The following HDX variants were observed in gnomAD, a reference collection of about 807,000 sequenced individuals.
HDX encodes highly divergent homeobox.
A neutral mutation model predicts 45.2 loss-of-function variants in HDX; 19 were observed. The observed-to-expected ratio is 0.42, with a 90% confidence interval of 0.29 to 0.62. The LOEUF is 0.62. Among genes scored for constraint, HDX ranks in the 20% least tolerant of loss-of-function variants. The pLI is 0.20. For synonymous variants in HDX, 188 were observed against 172.8 expected (o/e 1.09, Z -0.69); for missense variants, 532 against 493.9 (o/e 1.08, Z -0.73).
intron 5 of HDX, among the ~76,000 whole-genome samples, chrX:84,399,847 C>G (rs2038657349): frequency 9.0e-6 from 1 of 111,637 alleles, no homozygotes; most frequent in African/African-American, 3.3e-5. Flanking sequence ...AGCAGCACAT[C>G]AAAAAGCTTA....
chrX:84,445,592 C>A (rs2039855417), intron 4 of HDX, among the ~76,000 whole-genome samples: 1 of 110,274 alleles, frequency 9.1e-6, no homozygotes. Flanking sequence ...ATATATGAGA[C>A]TAATGCATGG....
At chrX:84,346,851 T>TA (rs2037217997) in intron 6 of HDX, among the ~76,000 whole-genome samples, 1 of 111,536 alleles carries the variant, frequency 9.0e-6, no homozygotes, top group Admixed American at 9.6e-5. Context: ...GAAATGGTAA[T>TA]AAAAAGCACA....
At chrX:84,444,440 G>A (rs1436620322) in intron 4 of HDX, among the ~76,000 whole-genome samples, 1 of 110,783 alleles carries the variant, frequency 9.0e-6, no homozygotes, top group Non-Finnish European at 1.9e-5. Flanking sequence ...AGTAATTCAG[G>A]CTTGGAACCA....
intron 4 of HDX, among the ~76,000 whole-genome samples, chrX:84,465,098 A>T (rs952256105): frequency 1.8e-5 from 2 of 112,668 alleles, no homozygotes; most frequent in African/African-American, 6.5e-5. Flanking sequence ...TCATTAGAGA[A>T]ATGCAAATCA....
intron 6 of HDX, among the ~76,000 whole-genome samples, chrX:84,357,809 G>A (rs1044709337): frequency 8.9e-6 from 1 of 112,375 alleles, no homozygotes; most frequent in African/African-American, 3.2e-5. Context: ...AGCTTCTCTT[G>A]TAGTTTGGTA....
chrX:84,349,974 A>T (rs1165117989), intron 6 of HDX, among the ~76,000 whole-genome samples: 1 of 109,848 alleles, frequency 9.1e-6, no homozygotes, highest in Non-Finnish European at 1.9e-5. Flanking sequence ...AATGTTCACT[A>T]TTCGAGTGAC....
chrX:84,457,012 T>A (rs760636794), intron 4 of HDX, among the ~76,000 whole-genome samples: 1 of 111,675 alleles, frequency 9.0e-6, no homozygotes, highest in South Asian at 3.7e-4. Flanking sequence ...ATCTGCACCA[T>A]AGACCAAATA....
At chrX:84,387,185 C>T (rs1479614659) in intron 5 of HDX, among the ~76,000 whole-genome samples, 4 of 112,129 alleles carry the variant, frequency 3.6e-5, no homozygotes, top group Admixed American at 2.8e-4. Flanking sequence ...TATTGCACTA[C>T]GGACTGAGAG....
chrX:84,473,128 C>CT (rs905628430), intron 3 of HDX, among the ~76,000 whole-genome samples: 3 of 108,829 alleles, frequency 2.8e-5, no homozygotes, highest in African/African-American at 1.0e-4. Context: ...ACTTCTTTCC[C>CT]TTTTTTTATA....
chrX:84,467,520 G>A (rs887335690), intron 4 of HDX, among the ~76,000 whole-genome samples: 7 of 109,434 alleles, frequency 6.4e-5, no homozygotes, highest in Non-Finnish European at 9.5e-5. Context: ...CCAGCTACTC[G>A]GGAGGCTGAG....
At chrX:84,356,415 C>T (rs938464602) in intron 6 of HDX, among the ~76,000 whole-genome samples, 2 of 110,511 alleles carry the variant, frequency 1.8e-5, no homozygotes, top group Non-Finnish European at 1.9e-5. Flanking sequence ...TGAGTCTGAA[C>T]AAATATTAAG....
At chrX:84,448,402 G>T (rs1218571038) in intron 4 of HDX, among the ~76,000 whole-genome samples, 1 of 110,303 alleles carries the variant, frequency 9.1e-6, no homozygotes, top group Non-Finnish European at 1.9e-5. Flanking sequence ...CTGCCCTGGG[G>T]CCCAAGGACA....
At chrX:84,482,268 C>A (rs191734440) in intron 2 of HDX, among the ~76,000 whole-genome samples, 32 of 111,294 alleles carry the variant, frequency 2.9e-4, no homozygotes, top group Non-Finnish European at 3.0e-4. Context: ...AGTTTTAGTT[C>A]TTTGAGAAAT....
intron 2 of HDX, among the ~76,000 whole-genome samples, chrX:84,484,951 T>C (rs1279100714): frequency 9.7e-6 from 1 of 103,451 alleles, no homozygotes; most frequent in Non-Finnish European, 2.0e-5. Context: ...ATTGCTTTAG[T>C]TACATTCTAA....
chrX:84,448,774 T>C (rs2148080067), intron 4 of HDX, among the ~76,000 whole-genome samples: 1 of 110,896 alleles, frequency 9.0e-6, no homozygotes, highest in Admixed American at 9.6e-5. Context: ...ATCACAATAT[T>C]TATTCAGCAA....
chrX:84,378,101 A>G (rs1483482545), intron 5 of HDX, among the ~76,000 whole-genome samples: 1 of 111,949 alleles, frequency 8.9e-6, no homozygotes, highest in Non-Finnish European at 1.9e-5. Flanking sequence ...TAGTGGCATG[A>G]CACATTTAAA....
chrX:84,496,137 T>C (rs1303793323), intron 1 of HDX, among the ~76,000 whole-genome samples: 1 of 112,025 alleles, frequency 8.9e-6, no homozygotes, highest in Non-Finnish European at 1.9e-5. Flanking sequence ...ACCTATGACA[T>C]TGGTGTAGTT....
chrX:84,371,217 GA>G (rs1475789502), intron 5 of HDX, among the ~76,000 whole-genome samples: 6 of 111,773 alleles, frequency 5.4e-5, no homozygotes, highest in Non-Finnish European at 9.4e-5. Flanking sequence ...TCCTAGTTGT[GA>G]AAAAGTGACT....
Position 84,405,820 on chromosome X carries a change from C to A in HDX, c.1305+34712G>T, listed in dbSNP as rs1388445342. The stretch of plus-strand genomic sequence containing the variant: ...TAATCCAAAACCATGATTAGCAAAC[C>A]GAAAAGATCTATGCAACAGCAATAT... On this transcript the variant is annotated intron_variant, in intron 5 of 10. Transcript: ENST00000373177. Among the ~76,000 whole-genome samples, 3 of 109,188 alleles carry A rather than the reference C, an allele frequency of 2.7e-5. No individual in the cohort carries two copies. The East Asian group carries it at 8.5e-4, about 31-fold the overall frequency. The allele number at this position is 109,188 out of a possible 115,157, so 94.8% of individuals were successfully genotyped here.
Sources: allele counts gnomAD v4.1 joint callset (sites outside exome capture counted in the v4.1 genomes callset), GRCh38; gene constraint gnomAD v4.1.1; transcripts MANE v1.5; gene names NCBI Gene and HGNC (gene_info 2026-07-23, HGNC 2026-07-21).